HDGFL3: variants seen among roughly 807,000 people sequenced by gnomAD.
HDGFL3 encodes HDGF like 3.
In HDGFL3, 6 loss-of-function variants were observed where a neutral mutation model predicts 27.6. The ratio of observed to expected loss-of-function variants is 0.22; its 90% CI spans 0.12 to 0.43. HDGFL3 has a LOEUF of 0.43. HDGFL3 is among the 20% of genes least tolerant of loss of function. The pLI, the probability that HDGFL3 is intolerant of heterozygous loss-of-function variation, is 1.00. For synonymous variants in HDGFL3, 88 were observed against 88.9 expected, an observed-to-expected ratio of 0.99 and a Z score of 0.05; for missense variants, 207 against 250.1, an observed-to-expected ratio of 0.83 and a Z score of 1.16.
At chr15:83,183,507 T>C (rs2037404236) in intron 1 of HDGFL3, among the ~76,000 whole-genome samples, 2 of 152,112 alleles carry the variant, frequency 1.3e-5, no homozygotes, top group South Asian at 4.1e-4. Context: ...ACACCTGTAA[T>C]CCCTGCACTT....
intron 1 of HDGFL3, among the ~76,000 whole-genome samples, chr15:83,202,144 T>C (rs1405662034): frequency 6.6e-6 from 1 of 152,128 alleles, no homozygotes; most frequent in East Asian, 1.9e-4. Context: ...AATATTTATA[T>C]TAATAAAGGG....
At chr15:83,122,490 C>T (rs745885891) in intron 3 of HDGFL3, among the ~76,000 whole-genome samples, 1 of 152,160 alleles carries the variant, frequency 6.6e-6, no homozygotes, top group Non-Finnish European at 1.5e-5. Flanking sequence ...GACAGGATCT[C>T]ACTCTGTTGC....
At chr15:83,113,496 A>G (rs6603047) in exon 4 of HDGFL3, 58,470 of 152,608 alleles carry the variant, frequency 0.38, 13,277 homozygotes, top group African/African-American at 0.64. Context: ...TCCATCATGC[A>G]TGCTGCCCCA....
chr15:83,169,653 T>C (rs1407955367), intron 1 of HDGFL3, among the ~76,000 whole-genome samples: 1 of 151,110 alleles, frequency 6.6e-6, no homozygotes, highest in Non-Finnish European at 1.5e-5. Flanking sequence ...ATACCAAAAT[T>C]AGCTGGGAGT....
intron 1 of HDGFL3, among the ~76,000 whole-genome samples, chr15:83,203,696 T>A (rs1233879447): frequency 6.6e-6 from 1 of 151,854 alleles, no homozygotes; most frequent in Non-Finnish European, 1.5e-5. Flanking sequence ...AATATGAACT[T>A]AACCTATAAG....
At chr15:83,150,645 T>A (rs1448023291) in intron 5 of HDGFL3, among the ~76,000 whole-genome samples, 1 of 152,202 alleles carries the variant, frequency 6.6e-6, no homozygotes, top group Non-Finnish European at 1.5e-5. Flanking sequence ...GGGGCAAAAT[T>A]TGCCTTCATC....
downstream of HDGFL3, among the ~76,000 whole-genome samples, chr15:83,124,365 T>TG (rs2035542296): frequency 6.6e-6 from 1 of 152,182 alleles, no homozygotes; most frequent in South Asian, 2.1e-4. Context: ...AATAGTGGTG[T>TG]GGCAGGTTTA....
chr15:83,148,021 A>T (rs2036920446), intron 5 of HDGFL3, among the ~76,000 whole-genome samples: 1 of 152,220 alleles, frequency 6.6e-6, no homozygotes, highest in East Asian at 1.9e-4. Context: ...TAAACATGAA[A>T]GGCAGCTCAA....
chr15:83,138,735 T>A lies in HDGFL3; in HGVS notation c.*535A>T, dbSNP rs1473267558. ...GCTATTTCTAATACGGAATAGATATTTTACAATATGGTTAAACTTTACACA... is the reference window on the plus strand; with the variant it reads ...GCTATTTCTAATACGGAATAGATATATTACAATATGGTTAAACTTTACACA... On this transcript the variant is annotated 3_prime_UTR_variant, in exon 6 of 6. Coordinates refer to ENST00000299633, the MANE Select transcript of HDGFL3 (RefSeq NM_016073.4). 1 of 152,300 alleles carries A rather than the reference T, an allele frequency of 6.6e-6. No homozygotes were observed. The highest frequency in any genetic ancestry group is 2.4e-5 in the African/African-American group (1 of 41,462). The allele number at this position is 152,300 out of a possible 1,614,324, so 9.4% of individuals were successfully genotyped here.
intron 5 of HDGFL3, among the ~76,000 whole-genome samples, chr15:83,142,420 AG>A (rs1484026363): frequency 6.6e-6 from 1 of 152,224 alleles, no homozygotes; most frequent in African/African-American, 2.4e-5. Context: ...AAACTAACAC[AG>A]GAACAGAAAA....
downstream of HDGFL3, chr15:83,127,564 T>C: frequency 6.8e-7 from 1 of 1,463,186 alleles, no homozygotes; most frequent in Non-Finnish European, 9.4e-7. Context: ...CTCAGTGTTT[T>C]AGACTAGGAG....
At chr15:83,160,655 G>C (rs1448955845) in intron 2 of HDGFL3, among the ~76,000 whole-genome samples, 1 of 152,148 alleles carries the variant, frequency 6.6e-6, no homozygotes, top group Non-Finnish European at 1.5e-5. Flanking sequence ...AGAGGACTCT[G>C]GAGTAGAGGG....
intron 1 of HDGFL3, among the ~76,000 whole-genome samples, chr15:83,167,956 A>G (rs1186530087): frequency 6.6e-6 from 1 of 152,170 alleles, no homozygotes; most frequent in African/African-American, 2.4e-5. Flanking sequence ...CATATCAACT[A>G]TACTCTCAGG....
rs149210344 is a variant in HDGFL3, at chr15:83,149,792, G to A, written c.606+1423C>T. 1.7e-4 allele frequency among the ~76,000 whole-genome samples: 26 copies of A among 152,266 alleles called. No individual in the cohort carries two copies. In the East Asian group the frequency reaches 5.0e-3, roughly 29 times the overall value. ...AAAGGGTAAAATATAAGATGGAAGG[G>A]AGGTATCATCAAGATTAAGGGAGAC... On this transcript the variant is annotated intron_variant, in intron 5 of 5. Transcript: ENST00000299633.
downstream of HDGFL3, among the ~76,000 whole-genome samples, chr15:83,125,139 G>A (rs2035617364): frequency 6.6e-6 from 1 of 152,196 alleles, no homozygotes; most frequent in South Asian, 2.1e-4. Flanking sequence ...CTGTGGCACA[G>A]AGCATCCCTG....
rs542309582 is a variant in HDGFL3, at chr15:83,119,796, T to C, written c.394-4055A>G. The C allele has an allele frequency of 1.3e-3, 1,949 of 1,521,918 alleles. 16 individuals carry two copies. Among genetic ancestry groups the C allele is most frequent in the South Asian group, 6.9e-3 (554 of 79,960 alleles). The allele number at this position is 1,521,918 out of a possible 1,614,324, so 94.3% of individuals were successfully genotyped here. A position where few individuals can be genotyped will look rare whatever the true frequency, so the allele number is the denominator to read the frequency against. ...CAAGCAGGTATACTGGACATGAATA[T>C]AAGTTCCATGGGTGCACGTCAGACG... is the stretch of plus-strand genomic sequence containing the variant. On this transcript the variant is annotated intron_variant, in intron 3 of 3. Coordinates refer to the HDGFL3 transcript ENST00000568294.
intron 1 of HDGFL3, among the ~76,000 whole-genome samples, chr15:83,180,126 A>G (rs1596561568): frequency 1.3e-5 from 2 of 152,104 alleles, no homozygotes; most frequent in African/African-American, 2.4e-5. Flanking sequence ...AAAAAAAAAA[A>G]TAGGGAAGAC....
chr15:83,137,657 A>G lies in HDGFL3; in HGVS notation c.*1613T>C, dbSNP rs902353474. 6.6e-6 allele frequency: 1 copy of G among 152,158 alleles called. No homozygotes were observed. The highest frequency in any genetic ancestry group is 2.4e-5 in the African/African-American group (1 of 41,452). The allele number at this position is 152,158 out of a possible 1,614,324, so 9.4% of individuals were successfully genotyped here. A position where few individuals can be genotyped will look rare whatever the true frequency, so the allele number is the denominator to read the frequency against. On this transcript the variant is annotated 3_prime_UTR_variant, in exon 6 of 6. Coordinates refer to ENST00000299633, the MANE Select transcript of HDGFL3 (RefSeq NM_016073.4). ...GTTGAGTATACTAGAGAAAATCAGT[A>G]TTCACTAAATGAAAGAAACACACCA...
At chr15:83,113,062 A>G (rs1266155504) in exon 4 of HDGFL3, 1 of 644,220 alleles carries the variant, frequency 1.6e-6, no homozygotes, top group Admixed American at 2.4e-5. Flanking sequence ...GCCTCTGGCT[A>G]TTGCCTCTCA....
Sources: allele counts gnomAD v4.1 joint callset (sites outside exome capture counted in the v4.1 genomes callset), GRCh38; gene constraint gnomAD v4.1.1; transcripts MANE v1.5; gene names NCBI Gene and HGNC (gene_info 2026-07-23, HGNC 2026-07-21).